Variants in GPRASP3 observed in about 807,000 individuals in gnomAD.
GPRASP3 encodes the protein G protein-coupled receptor associated sorting protein family member 3, also known as G protein-coupled receptor associated sorting protein 3.
chrX:102,738,678 C>A, the GPRASP3 span, among the ~76,000 whole-genome samples: 1 of 112,016 alleles, frequency 8.9e-6, no homozygotes, highest in Non-Finnish European at 1.9e-5. Context: ...TACTGTGTAA[C>A]CCCCTAGTGT....
the GPRASP3 span, among the ~76,000 whole-genome samples, chrX:102,736,539 A>G: frequency 8.9e-6 from 1 of 111,944 alleles, no homozygotes; most frequent in African/African-American, 3.2e-5. Flanking sequence ...TGGAAGGCAA[A>G]AATGGATCCC....
the GPRASP3 span, among the ~76,000 whole-genome samples, chrX:102,739,888 G>T: frequency 9.0e-6 from 1 of 111,605 alleles, no homozygotes; most frequent in Admixed American, 9.5e-5. Context: ...GAAATGCAGA[G>T]AGCCATGGGC....
chrX:102,725,043 A>G, the GPRASP3 span, among the ~76,000 whole-genome samples: 1 of 111,240 alleles, frequency 9.0e-6, no homozygotes, highest in Admixed American at 9.6e-5. Flanking sequence ...CCCAATTTCA[A>G]AAGAGCAACC....
the GPRASP3 span, chrX:102,720,939 C>T: frequency 8.9e-6 from 1 of 112,110 alleles, no homozygotes; most frequent in Non-Finnish European, 1.9e-5. Flanking sequence ...CGTCTTAGCC[C>T]GTCTGTCTTT....
chrX:102,741,585 A>T, the GPRASP3 span, among the ~76,000 whole-genome samples: 1 of 112,002 alleles, frequency 8.9e-6, no homozygotes, highest in Admixed American at 9.4e-5. Context: ...CCTGGCACCA[A>T]CTGCCAATTT....
chrX:102,729,727 G>A, the GPRASP3 span, among the ~76,000 whole-genome samples: 1 of 111,798 alleles, frequency 8.9e-6, no homozygotes, highest in Non-Finnish European at 1.9e-5. Context: ...AAAATTAGCT[G>A]GGCGTGGTGG....
chrX:102,724,718 G>GGT, the GPRASP3 span, among the ~76,000 whole-genome samples: 4,022 of 98,734 alleles, frequency 0.041, 89 homozygotes, highest in African/African-American at 0.073. Flanking sequence ...CAGGGTGACT[G>GGT]GTGTGTGTGT....
At chrX:102,722,257 C>T in the GPRASP3 span, among the ~76,000 whole-genome samples, 1 of 111,320 alleles carries the variant, frequency 9.0e-6, no homozygotes, top group African/African-American at 3.3e-5. Flanking sequence ...GCTATAAGGG[C>T]CCACAGAACT....
chrX:102,747,002 G>T, the GPRASP3 span, among the ~76,000 whole-genome samples: 3 of 111,832 alleles, frequency 2.7e-5, no homozygotes, highest in African/African-American at 6.5e-5. Context: ...TGAGAATGTG[G>T]GTTCCGAGTA....
the GPRASP3 span, chrX:102,745,945 A>T: frequency 1.8e-5 from 2 of 111,133 alleles, no homozygotes; most frequent in Middle Eastern, 4.6e-3. Flanking sequence ...GGCGTCGAGC[A>T]CTTTCGCGCC....
the GPRASP3 span, among the ~76,000 whole-genome samples, chrX:102,721,837 G>T: frequency 2.7e-5 from 3 of 111,127 alleles, no homozygotes; most frequent in African/African-American, 9.8e-5. Flanking sequence ...TCATTCCTTA[G>T]GATGTGTTTC....
At chrX:102,745,101 CGAG>C in the GPRASP3 span, among the ~76,000 whole-genome samples, 1 of 110,791 alleles carries the variant, frequency 9.0e-6, no homozygotes, top group Non-Finnish European at 1.9e-5. Flanking sequence ...GGATCTGCCT[CGAG>C]GAAGTGCGCG....
At chrX:102,735,630 G>A in the GPRASP3 span, among the ~76,000 whole-genome samples, 65 of 110,852 alleles carry the variant, frequency 5.9e-4, no homozygotes, top group African/African-American at 1.9e-3. Context: ...GGATGGTCTC[G>A]ATCTCCTGAC....
At chrX:102,751,901 G>T in the GPRASP3 span, 4 of 118,383 alleles carry the variant, frequency 3.4e-5, no homozygotes, top group African/African-American at 1.4e-4. Flanking sequence ...TTTATACCCT[G>T]AATTTAAAAG....
the GPRASP3 span, among the ~76,000 whole-genome samples, chrX:102,730,165 C>A: frequency 4.5e-5 from 5 of 112,026 alleles, no homozygotes; most frequent in Admixed American, 9.4e-5. Flanking sequence ...TGATGGGAGG[C>A]AGTGACAGAT....
chrX:102,729,514 A>G, the GPRASP3 span, among the ~76,000 whole-genome samples: 2 of 112,346 alleles, frequency 1.8e-5, no homozygotes, highest in African/African-American at 6.5e-5. Context: ...AACAGTTAAA[A>G]GAGCTGCAAA....
the GPRASP3 span, among the ~76,000 whole-genome samples, chrX:102,740,651 C>T: frequency 9.0e-6 from 1 of 111,030 alleles, no homozygotes; most frequent in Admixed American, 9.6e-5. Flanking sequence ...ACCTTTCAGA[C>T]AGAGAAGTTG....
chrX:102,730,576 G>A, the GPRASP3 span, among the ~76,000 whole-genome samples: 18 of 112,407 alleles, frequency 1.6e-4, no homozygotes, highest in Non-Finnish European at 3.2e-4. Flanking sequence ...ACAGTCTGTG[G>A]TCTGTGCCTT....
the GPRASP3 span, among the ~76,000 whole-genome samples, chrX:102,723,639 A>G: frequency 2.2e-4 from 24 of 111,540 alleles, no homozygotes; most frequent in African/African-American, 6.8e-4. Context: ...CACAGCTTCA[A>G]AAAATCTTGG....
Sources: allele counts gnomAD v4.1 joint callset (sites outside exome capture counted in the v4.1 genomes callset), GRCh38; gene constraint gnomAD v4.1.1; transcripts MANE v1.5; gene names NCBI Gene and HGNC (gene_info 2026-07-23, HGNC 2026-07-21).